SLC38A1: variants seen among roughly 807,000 people sequenced by gnomAD.
SLC38A1 encodes solute carrier family 38 member 1.
Under a neutral mutation model 60.3 loss-of-function variants are expected in SLC38A1, and 18 were observed. The observed-to-expected ratio is 0.30, with a 90% CI of 0.21 to 0.44. The LOEUF is 0.44. Ranked by LOEUF, SLC38A1 falls within the 20% of genes least tolerant of loss-of-function variation. The pLI, the probability that SLC38A1 is intolerant of heterozygous loss-of-function variation, is 1.00. For synonymous variants in SLC38A1, 196 were observed against 212.1 expected, an observed-to-expected ratio of 0.92 and a Z score of 0.66; for missense variants, 448 against 587.2, an observed-to-expected ratio of 0.76 and a Z score of 2.45.
At position 46,187,968 on chromosome 12, in the gene SLC38A1, CTTAG is replaced by C. The variant is rs1173219156; in HGVS notation, c.*998_*1001del. On this transcript the variant is annotated 3_prime_UTR_variant, in exon 17 of 17. Coordinates refer to ENST00000398637, the MANE Select transcript of SLC38A1 (RefSeq NM_030674.4). ...CAGGAGTTACTTATCCTAGATCATC[CTTAG>C]TTAGGTACACATGATTCTCTGTGCA... 6.6e-6 allele frequency: 1 copy of C among 151,940 alleles called. No homozygotes were observed. The highest frequency in any genetic ancestry group is 1.9e-4 in the East Asian group (1 of 5,186). The allele number at this position is 151,940 out of a possible 1,614,324, so 9.4% of individuals were successfully genotyped here.
At chr12:46,230,090 T>C (rs577453754) in intron 3 of SLC38A1, among the ~76,000 whole-genome samples, 3 of 152,228 alleles carry the variant, frequency 2.0e-5, no homozygotes, top group Non-Finnish European at 4.4e-5. Context: ...AAGACTACTA[T>C]AAACCTGGTA....
intron 1 of SLC38A1, chr12:46,267,225 C>G (rs1468439998): frequency 1.3e-5 from 2 of 152,180 alleles, no homozygotes; most frequent in African/African-American, 2.4e-5. Context: ...AAATAAATAC[C>G]GTTTTCTAGC....
chr12:46,204,660 AT>A, intron 9 of SLC38A1, 70 bp from the exon 10 acceptor site: 2 of 1,147,482 alleles, frequency 1.7e-6, no homozygotes, highest in South Asian at 2.9e-5. Flanking sequence ...GCTACCCATC[AT>A]AAACTGTTAT....
chr12:46,185,386 C>T lies in SLC38A1; in HGVS notation c.*3584G>A, dbSNP rs984824728. ...GAATCTTACCACAACCCTGTGTCCA[C>T]CACAAGCCCTATCACCATCACCCAT... On this transcript the variant is annotated 3_prime_UTR_variant, in exon 17 of 17. Coordinates refer to ENST00000398637, the MANE Select transcript of SLC38A1 (RefSeq NM_030674.4). The T allele has an allele frequency of 2.6e-5, 4 of 152,114 alleles. No homozygotes were observed. Among genetic ancestry groups the T allele is most frequent in the Non-Finnish European group, 5.9e-5 (4 of 68,044 alleles). The allele number at this position is 152,114 out of a possible 1,614,324, so 9.4% of individuals were successfully genotyped here.
chr12:46,204,213 C>T (rs1939788500), intron 11 of SLC38A1, 88 bp downstream of exon 11: 1 of 822,380 alleles, frequency 1.2e-6, no homozygotes, highest in Non-Finnish European at 2.1e-6. Flanking sequence ...AGAACTAATA[C>T]ATTCAAACCA....
chr12:46,210,433 A>G (rs1324355019), intron 5 of SLC38A1, among the ~76,000 whole-genome samples: 3 of 152,214 alleles, frequency 2.0e-5, no homozygotes, highest in African/African-American at 7.2e-5. Context: ...TAGAGGCCCA[A>G]CTGATCTGCC....
chr12:46,261,845 C>T (rs1942206350), intron 1 of SLC38A1, among the ~76,000 whole-genome samples: 1 of 152,250 alleles, frequency 6.6e-6, no homozygotes, highest in Non-Finnish European at 1.5e-5. Context: ...CAATTGTGTC[C>T]CTCTCCCTGC....
At chr12:46,197,598 C>T in intron 16 of SLC38A1, 122 bp downstream of exon 16, 1 of 708,698 alleles carries the variant, frequency 1.4e-6, no homozygotes, top group Non-Finnish European at 2.5e-6. Flanking sequence ...AGCAAAGCTA[C>T]AGGGCTTCTG....
At chr12:46,267,969 A>G (rs1432738027) in intron 1 of SLC38A1, among the ~76,000 whole-genome samples, 1 of 152,222 alleles carries the variant, frequency 6.6e-6, no homozygotes, top group Admixed American at 6.5e-5. Flanking sequence ...ACAGAGGGGC[A>G]GAGCACCAGG....
At chr12:46,217,409 G>A (rs891093434) in intron 5 of SLC38A1, among the ~76,000 whole-genome samples, 9 of 152,186 alleles carry the variant, frequency 5.9e-5, no homozygotes, top group Non-Finnish European at 1.3e-4. Context: ...TGTCTAAGGT[G>A]AGCCTGAACA....
At chr12:46,223,273 C>G (rs895174663) in intron 5 of SLC38A1, among the ~76,000 whole-genome samples, 2 of 152,052 alleles carry the variant, frequency 1.3e-5, no homozygotes, top group African/African-American at 4.8e-5. Context: ...TAATACCTAC[C>G]TCATAATGTT....
intron 3 of SLC38A1, among the ~76,000 whole-genome samples, chr12:46,234,483 T>C (rs1592126052): frequency 6.6e-6 from 1 of 151,086 alleles, no homozygotes. Flanking sequence ...AGTCTCTGTC[T>C]TTCGCCCAGG....
chr12:46,238,647 G>A (rs1006070365), intron 3 of SLC38A1, among the ~76,000 whole-genome samples: 2 of 152,162 alleles, frequency 1.3e-5, no homozygotes, highest in African/African-American at 4.8e-5. Context: ...GTGGGTCTAA[G>A]AATGCCACAA....
chr12:46,190,288 A>G (rs936588103), intron 16 of SLC38A1, among the ~76,000 whole-genome samples: 9 of 152,196 alleles, frequency 5.9e-5, no homozygotes, highest in Non-Finnish European at 1.2e-4. Context: ...TTATGGCTGC[A>G]TACGATTCCA....
At chr12:46,206,391 T>A (rs1008135935) in intron 8 of SLC38A1, among the ~76,000 whole-genome samples, 1 of 151,936 alleles carries the variant, frequency 6.6e-6, no homozygotes, top group East Asian at 1.9e-4. Context: ...TTTTTTTTTT[T>A]CCCATTGGCT....
chr12:46,238,928 A>G (rs781322515), intron 3 of SLC38A1, among the ~76,000 whole-genome samples: 3 of 152,220 alleles, frequency 2.0e-5, no homozygotes, highest in Non-Finnish European at 4.4e-5. Context: ...AATCCATACT[A>G]CAAATGATGC....
chr12:46,249,168 A>AAAAAAAAAAAAAAAAAAG lies in SLC38A1; in HGVS notation c.-208-5855_-208-5854insCTTTTTTTTTTTTTTTTT, dbSNP rs555103632. Among the ~76,000 whole-genome samples, 43 of 126,460 alleles carry AAAAAAAAAAAAAAAAAAG rather than the reference A, an allele frequency of 3.4e-4. 1 individual carries two copies. Among genetic ancestry groups the AAAAAAAAAAAAAAAAAAG allele is most frequent in the Middle Eastern group, 4.3e-3 (1 of 230 alleles). 83.0% of individuals were successfully genotyped at this position (126,460 alleles called of 152,430 possible). ...GAGACTCCGCCTCAAAAAAAAAAAAAAAAAAAAGAAACTCACTCAAAACCG... is the reference window on the plus strand; with the variant it reads ...GAGACTCCGCCTCAAAAAAAAAAAAAAAAAAAAAAAAAAAAAAGAAAAAAAGAAACTCACTCAAAACCG... On this transcript the variant is annotated intron_variant, in intron 1 of 16. Coordinates refer to ENST00000398637, the MANE Select transcript of SLC38A1 (RefSeq NM_030674.4).
intron 4 of SLC38A1, 109 bp from the exon 5 acceptor site, chr12:46,229,377 G>A (rs1267568537): frequency 1.2e-6 from 1 of 848,834 alleles, no homozygotes; most frequent in South Asian, 1.6e-5. Context: ...TAAAATTCAA[G>A]AAAATCCATT....
intron 16 of SLC38A1, among the ~76,000 whole-genome samples, chr12:46,192,327 T>C (rs1011361925): frequency 3.3e-5 from 5 of 152,212 alleles, no homozygotes; most frequent in African/African-American, 1.2e-4. Flanking sequence ...CTGCTGGATT[T>C]GGTTTGCCAG....
Sources: gnomAD v4.1 joint callset for allele counts (sites outside exome capture counted in the v4.1 genomes callset) on GRCh38, gnomAD v4.1.1 for gene constraint, MANE v1.5 for transcripts, NCBI Gene and HGNC (gene_info 2026-07-23, HGNC 2026-07-21) for gene names.